Variants in NFX1 observed in about 807,000 individuals in gnomAD.
The protein encoded by NFX1 is nuclear transcription factor, X-box binding 1.
A neutral mutation model predicts 137.2 loss-of-function variants in NFX1; 69 were observed. That is an observed-to-expected ratio of 0.50 (90% CI 0.41 to 0.61). NFX1 has a LOEUF of 0.61. NFX1 is among the 20% of genes least tolerant of loss of function. NFX1 has a pLI of 0.00. For synonymous variants in NFX1, 495 were observed against 474.1 expected (o/e 1.04, Z -0.57); for missense variants, 1,167 against 1,391.0 (o/e 0.84, Z 2.56).
intron 4 of NFX1, among the ~76,000 whole-genome samples, chr9:33,304,572 C>T (rs1821687842): frequency 6.6e-6 from 1 of 152,192 alleles, no homozygotes; most frequent in African/African-American, 2.4e-5. Flanking sequence ...TTGACTTCCC[C>T]TTCTTTTCTT....
At chr9:33,324,315 GT>G (rs1464093649) in intron 9 of NFX1, among the ~76,000 whole-genome samples, 6 of 152,144 alleles carry the variant, frequency 3.9e-5, no homozygotes, top group Non-Finnish European at 1.5e-5. Flanking sequence ...GTAGGCGGAG[GT>G]TGCAGTGAGC....
rs1241305074 is a variant in NFX1 at position 33,294,511 on chromosome 9, C to T, written c.117C>T (p.Asp39=). 4 of 1,614,028 alleles carry T rather than the reference C, an allele frequency of 2.5e-6. No homozygotes were observed. Among genetic ancestry groups the T allele is most frequent in the Non-Finnish European group, 2.5e-6 (3 of 1,180,026 alleles). Residue 39 remains aspartate (D), a synonymous_variant, in exon 2 of 24, where the codon GAC becomes GAT. Transcript: ENST00000379540. ...ATTGTGGGACTCAAAGGAGACTAGA[C>T]TCTAATAGGATTGGTAGAAGAAATT... is the stretch of plus-strand genomic sequence containing the variant. ...GLNCGTQRRL[D]SNRIGRRNYS... is the part of the protein sequence containing the mutation.
chr9:33,318,967 G>T lies in NFX1; in HGVS notation c.1746G>T (p.Gln582His), dbSNP rs1470285861. The stretch of plus-strand genomic sequence containing the variant: ...AAGTGTGCCACCCTCAGCCCTGCCA[G>T]CAATGCCCACGGCTCCCCCAGCTGG... ...CSQVCHPQPCQQCPRLPQLVR... is the reference protein window; with the variant it reads ...CSQVCHPQPCHQCPRLPQLVR... The change falls in exon 9 of 24, where the codon CAG (glutamine) becomes CAT (histidine). Residue 582 changes from glutamine (Q) to histidine (H), a missense_variant. By Grantham distance (24) the Gln-to-His change is conservative. Transcript: ENST00000379540. 6.2e-7 allele frequency: 1 copy of T among 1,614,224 alleles called. No individual in the cohort carries two copies. Among genetic ancestry groups the T allele is most frequent in the Non-Finnish European group, 8.5e-7 (1 of 1,180,032 alleles).
intron 9 of NFX1, among the ~76,000 whole-genome samples, chr9:33,323,778 CAAAT>C (rs148344677): frequency 0.055 from 8,241 of 149,084 alleles, 323 homozygotes; most frequent in Non-Finnish European, 0.085. Context: ...CAAAAAAAAA[CAAAT>C]AAATAAATAT....
intron 7 of NFX1, among the ~76,000 whole-genome samples, chr9:33,317,416 C>A (rs1822201312): frequency 9.2e-6 from 1 of 108,386 alleles, no homozygotes; most frequent in East Asian, 2.4e-4. Context: ...GAGGCCCTGT[C>A]TCCAAAAAAA....
intron 17 of NFX1, 135 bp from the exon 18 acceptor site, chr9:33,353,951 A>G (rs941469488): frequency 1.4e-6 from 1 of 714,626 alleles, no homozygotes; most frequent in Non-Finnish European, 2.2e-6. Context: ...TGGTTTCCCA[A>G]AGTGCTGGGC....
At chr9:33,356,538 A>G (rs1305465303) in intron 19 of NFX1, among the ~76,000 whole-genome samples, 1 of 152,200 alleles carries the variant, frequency 6.6e-6, no homozygotes, top group African/African-American at 2.4e-5. Flanking sequence ...GAGTTTCTTA[A>G]TAAGCACTTT....
At chr9:33,353,918 GA>G (rs1823728424) in intron 17 of NFX1, among the ~76,000 whole-genome samples, 167 bp from the exon 18 acceptor site, 1 of 152,054 alleles carries the variant, frequency 6.6e-6, no homozygotes, top group Admixed American at 6.6e-5. Flanking sequence ...ATGAACTCCT[GA>G]CCTCAGGTGA....
intron 14 of NFX1, 56 bp from the exon 15 acceptor site, chr9:33,346,982 G>A: frequency 1.4e-6 from 2 of 1,412,962 alleles, no homozygotes. Flanking sequence ...GATGTATAAT[G>A]GTTTACATGG....
chr9:33,301,420 A>G lies in NFX1; in HGVS notation c.1191A>G (p.Ala397=). 5 of 1,613,412 alleles carry G rather than the reference A, an allele frequency of 3.1e-6. No individual in the cohort carries two copies. Among genetic ancestry groups the G allele is most frequent in the Non-Finnish European group, 4.2e-6 (5 of 1,179,762 alleles). Residue 397 remains alanine, a splice_region_variant and synonymous_variant, in exon 3 of 24, where the codon GCA becomes GCG. Transcript: ENST00000379540. ...GGGCAAGGTCTCCAGCATCTCAAGC[A>G]GGTCAATTAATTCTCTCTTCTGAGT... is the stretch of plus-strand genomic sequence containing the variant. ...KKWARSPASQ[A]DGQSGWRCPA... is the part of the protein sequence containing the mutation.
intron 7 of NFX1, among the ~76,000 whole-genome samples, chr9:33,315,833 A>G (rs1822142634): frequency 6.6e-6 from 1 of 151,704 alleles, no homozygotes; most frequent in Non-Finnish European, 1.5e-5. Context: ...CGGAGGTTGC[A>G]GTGAGCTGAG....
intron 5 of NFX1, among the ~76,000 whole-genome samples, chr9:33,308,750 A>G (rs934609400): frequency 2.0e-5 from 3 of 152,232 alleles, no homozygotes; most frequent in Non-Finnish European, 2.9e-5. Context: ...CTGGCAAGTG[A>G]TCAAAAAATG....
intron 15 of NFX1, among the ~76,000 whole-genome samples, chr9:33,349,396 C>G (rs1280484694): frequency 6.6e-6 from 1 of 152,094 alleles, no homozygotes; most frequent in Non-Finnish European, 1.5e-5. Context: ...GATGACAGGG[C>G]AGAGCATGGG....
chr9:33,364,823 G>GA lies in NFX1; in HGVS notation c.3039+60dup, dbSNP rs369528056. On this transcript the variant is annotated intron_variant, in intron 21 of 23. Coordinates refer to ENST00000379540, the MANE Select transcript of NFX1 (RefSeq NM_002504.6). ...GACATTTCTCTAAGGCCAGCTTGAT[G>GA]AAAAAAAAAAAGCAATCAAGTCCTG... 9,229 of 1,122,372 alleles carry GA rather than the reference G, an allele frequency of 8.2e-3. 2 individuals are homozygous for GA. The highest frequency in any genetic ancestry group is 0.014 in the Admixed American group (597 of 41,866). 69.5% of individuals were successfully genotyped at this position (1,122,372 alleles called of 1,614,324 possible). A position where few individuals can be genotyped will look rare whatever the true frequency, so the allele number is the denominator to read the frequency against.
In NFX1 at chr9:33,295,116, AC is replaced by A; in HGVS notation, c.725del (p.Pro242HisfsTer83). 1.2e-6 allele frequency: 2 copies of A among 1,614,116 alleles called. No homozygotes were observed. The highest frequency in any genetic ancestry group is 8.5e-7 in the Non-Finnish European group (1 of 1,180,018). On this transcript the variant is annotated frameshift_variant, in exon 2 of 24. Transcript: ENST00000379540. LOFTEE classifies it high-confidence loss of function. ...GCCAGACGAAATGAGCAGAGAAGATACCCACAGAAAAGGCCTCCCTGGGAAG... is the reference window on the plus strand; with the variant it reads ...GCCAGACGAAATGAGCAGAGAAGATACCACAGAAAAGGCCTCCCTGGGAAG... ...YGARRNEQRRYPQKRPPWEVE... is the reference protein window; with the variant it reads ...YGARRNEQRRXPQKRPPWEVE...
chr9:33,328,824 A>T (rs1350104843), intron 10 of NFX1, 146 bp downstream of exon 10: 20 of 594,948 alleles, frequency 3.4e-5, no homozygotes, highest in Non-Finnish European at 3.0e-6. Context: ...ATAGTGGGAT[A>T]AGGCAAATAT....
chr9:33,292,120 G>T (rs763526742), intron 1 of NFX1, among the ~76,000 whole-genome samples: 1 of 152,108 alleles, frequency 6.6e-6, no homozygotes, highest in Non-Finnish European at 1.5e-5. Context: ...AGAAGAATTC[G>T]GTGGGGCCTA....
At chr9:33,290,620 A>C in intron 1 of NFX1, 23 bp downstream of exon 1, 3 of 1,601,548 alleles carry the variant, frequency 1.9e-6, no homozygotes, top group Non-Finnish European at 2.6e-6. Context: ...CCCGAGCGGG[A>C]CTGGGCCCCT....
intron 19 of NFX1, among the ~76,000 whole-genome samples, chr9:33,362,172 G>T (rs1354314652): frequency 6.6e-6 from 1 of 151,742 alleles, no homozygotes; most frequent in African/African-American, 2.4e-5. Flanking sequence ...CACATTCTTG[G>T]TGGGATTGTA....
Sources: gnomAD v4.1 joint callset for allele counts (sites outside exome capture counted in the v4.1 genomes callset) on GRCh38, gnomAD v4.1.1 for gene constraint, MANE v1.5 for transcripts, NCBI Gene and HGNC (gene_info 2026-07-23, HGNC 2026-07-21) for gene names.